GUCY1A2: variants seen among roughly 807,000 people sequenced by gnomAD.
GUCY1A2 encodes guanylate cyclase 1 soluble subunit alpha 2, also known as guanylate cyclase soluble subunit alpha-2.
Under a neutral mutation model 63.5 loss-of-function variants are expected in GUCY1A2, and 27 were observed. The observed-to-expected ratio is 0.43, with a 90% CI of 0.31 to 0.59. The LOEUF (loss-of-function observed/expected upper bound fraction) is 0.59, where lower values mean the gene tolerates loss of function less well. Among genes scored for constraint, GUCY1A2 ranks in the 20% least tolerant of loss-of-function variants. GUCY1A2 has a pLI of 0.11. For synonymous variants in GUCY1A2, 364 were observed against 343.5 expected, an observed-to-expected ratio of 1.06 and a Z score of -0.66; for missense variants, 768 against 913.3, an observed-to-expected ratio of 0.84 and a Z score of 2.05.
Position 106,681,874 on chromosome 11 carries a change from A to G in GUCY1A2, c.*5675T>C, listed in dbSNP as rs1007026564. ...TTCAGATAATGTACAATTCAATATGAAAAGTACATAGTGAGACTAAGTATT... is the reference window on the plus strand; with the variant it reads ...TTCAGATAATGTACAATTCAATATGGAAAGTACATAGTGAGACTAAGTATT... On this transcript the variant is annotated 3_prime_UTR_variant, in exon 8 of 8. Transcript: ENST00000526355. 1 of 214,664 alleles carries G rather than the reference A, an allele frequency of 4.7e-6. No homozygotes were observed. The highest frequency in any genetic ancestry group is 9.4e-6 in the Non-Finnish European group (1 of 106,466). The allele number at this position is 214,664 out of a possible 1,614,324, so 13.3% of individuals were successfully genotyped here.
chr11:106,906,481 C>T (rs1439544692), intron 4 of GUCY1A2, among the ~76,000 whole-genome samples: 1 of 152,138 alleles, frequency 6.6e-6, no homozygotes, highest in African/African-American at 2.4e-5. Flanking sequence ...AACACTTTTA[C>T]ACTGTTGGTG....
Position 106,681,143 on chromosome 11 carries a change from A to G in GUCY1A2, c.*6406T>C, listed in dbSNP as rs1020058839. 4.7e-6 allele frequency: 1 copy of G among 213,856 alleles called. No individual in the cohort carries two copies. Among genetic ancestry groups the G allele is most frequent in the Non-Finnish European group, 9.5e-6 (1 of 105,620 alleles). 13.2% of individuals were successfully genotyped at this position (213,856 alleles called of 1,614,324 possible). A position where few individuals can be genotyped will look rare whatever the true frequency, so the allele number is the denominator to read the frequency against. ...AGTGTTTTTTCAGTATTACTGAATA[A>G]TCATTTTCAGACTTTTATTTATTGT... On this transcript the variant is annotated 3_prime_UTR_variant, in exon 8 of 8. Transcript: ENST00000526355.
intron 4 of GUCY1A2, among the ~76,000 whole-genome samples, chr11:106,846,645 T>C (rs975521716): frequency 7.3e-5 from 11 of 151,676 alleles, no homozygotes; most frequent in Admixed American, 7.3e-4. Context: ...CTCTGACCTC[T>C]TCGACACTAC....
intron 4 of GUCY1A2, among the ~76,000 whole-genome samples, chr11:106,813,391 GTACATGTGCAGGTTTGT>G (rs1198194641): frequency 2.0e-5 from 3 of 151,748 alleles, no homozygotes; most frequent in Non-Finnish European, 4.4e-5. Flanking sequence ...GGGTTGGGGG[GTACATGTGCAGGTTTGT>G]TATATAGGTA....
intron 4 of GUCY1A2, among the ~76,000 whole-genome samples, chr11:106,881,392 GTTT>G (rs932721043): frequency 5.1e-4 from 77 of 152,016 alleles, no homozygotes; most frequent in African/African-American, 1.9e-3. Context: ...TACTATTTTT[GTTT>G]TTTATTTTTT....
intron 4 of GUCY1A2, among the ~76,000 whole-genome samples, chr11:106,874,349 T>C (rs1461751037): frequency 6.6e-6 from 1 of 152,046 alleles, no homozygotes; most frequent in African/African-American, 2.4e-5. Flanking sequence ...CACATATAAG[T>C]ATTGAGGAAC....
At chr11:106,861,345 C>T (rs1286110263) in intron 4 of GUCY1A2, among the ~76,000 whole-genome samples, 1 of 152,000 alleles carries the variant, frequency 6.6e-6, no homozygotes, top group East Asian at 1.9e-4. Flanking sequence ...GTTTTGTGTG[C>T]TGTCTACATG....
Position 107,017,894 on chromosome 11 carries a change from G to A in GUCY1A2, c.162C>T (p.Ala54=). The change falls in exon 1 of 8, where the codon GCC becomes GCT. Residue 54 remains alanine (A), a synonymous_variant. Transcript: ENST00000526355. ...GGGTCGGGGCCGGGGCGGCGGCAGCGGCAGCTGCGGCCGGGCTGGGCTCCA... is the reference window on the plus strand; with the variant it reads ...GGGTCGGGGCCGGGGCGGCGGCAGCAGCAGCTGCGGCCGGGCTGGGCTCCA... The part of the protein sequence containing the change: ...GPLEPSPAAA[A]AAAAPAPTPA... The A allele has an allele frequency of 1.6e-6, 2 of 1,247,276 alleles. No homozygotes were observed. The highest frequency in any genetic ancestry group is 2.0e-6 in the Non-Finnish European group (2 of 992,718). 77.3% of individuals were successfully genotyped at this position (1,247,276 alleles called of 1,614,324 possible).
chr11:106,741,903 T>C (rs1863701073), intron 6 of GUCY1A2, among the ~76,000 whole-genome samples: 1 of 152,228 alleles, frequency 6.6e-6, no homozygotes, highest in South Asian at 2.1e-4. Flanking sequence ...TTGACTTGCA[T>C]TCACTTCCAC....
intron 5 of GUCY1A2, among the ~76,000 whole-genome samples, chr11:106,798,667 A>T (rs1864812388): frequency 2.6e-5 from 4 of 152,214 alleles, no homozygotes; most frequent in Admixed American, 2.6e-4. Flanking sequence ...CAAAAACCAC[A>T]TGATTATCTC....
At chr11:106,751,047 C>T (rs1343040990) in intron 6 of GUCY1A2, among the ~76,000 whole-genome samples, 2 of 152,060 alleles carry the variant, frequency 1.3e-5, no homozygotes, top group Admixed American at 6.6e-5. Flanking sequence ...CATATTAATT[C>T]ACACATCTCC....
chr11:106,982,362 C>A (rs1426314351), intron 2 of GUCY1A2, among the ~76,000 whole-genome samples: 1 of 152,158 alleles, frequency 6.6e-6, no homozygotes. Context: ...CCTCACTAAT[C>A]TTTCCACCCC....
intron 1 of GUCY1A2, among the ~76,000 whole-genome samples, chr11:106,995,728 A>C (rs1319133329): frequency 6.6e-6 from 1 of 152,240 alleles, no homozygotes; most frequent in Non-Finnish European, 1.5e-5. Context: ...TGCTAAATTG[A>C]ACTAAACTGA....
rs1859314811 is a variant in GUCY1A2, at chr11:106,848,942, T to C, written c.1207-38464A>G. 2.0e-5 allele frequency among the ~76,000 whole-genome samples: 3 copies of C among 151,682 alleles called. No homozygotes were observed. In the South Asian group the frequency reaches 6.2e-4, roughly 31 times the overall value. On this transcript the variant is annotated intron_variant, in intron 4 of 7. Transcript: ENST00000526355. ...GAAAAGTTACGTTTTGAATTTTACT[T>C]AGAATTCCAGTAAGTCAAAGTCTTC...
intron 4 of GUCY1A2, among the ~76,000 whole-genome samples, chr11:106,830,118 A>G (rs1859030230): frequency 6.6e-6 from 1 of 152,206 alleles, no homozygotes; most frequent in Non-Finnish European, 1.5e-5. Flanking sequence ...TACTAAGAAA[A>G]TATCTTCATT....
chr11:106,860,228 C>T (rs1324471556), intron 4 of GUCY1A2, among the ~76,000 whole-genome samples: 1 of 151,244 alleles, frequency 6.6e-6, no homozygotes, highest in Non-Finnish European at 1.5e-5. Context: ...TTCCAGAGTA[C>T]CCAGACATAA....
At chr11:106,968,785 C>T (rs1162664702) in intron 3 of GUCY1A2, among the ~76,000 whole-genome samples, 1 of 1,606 alleles carries the variant, frequency 6.2e-4, no homozygotes, top group Non-Finnish European at 1.1e-3. Context: ...CTATCTACAA[C>T]TTCTTTCTTC....
intron 4 of GUCY1A2, among the ~76,000 whole-genome samples, chr11:106,932,104 T>C (rs958149606): frequency 6.6e-6 from 1 of 152,152 alleles, no homozygotes; most frequent in African/African-American, 2.4e-5. Flanking sequence ...AGGAAGATTC[T>C]GTATGATTTT....
chr11:106,901,017 T>A (rs1430620177), intron 4 of GUCY1A2, among the ~76,000 whole-genome samples: 1 of 152,328 alleles, frequency 6.6e-6, no homozygotes, highest in Non-Finnish European at 1.5e-5. Context: ...TTATGAAAGA[T>A]TTCTCTCTAA....
Sources: gnomAD v4.1 joint callset for allele counts (sites outside exome capture counted in the v4.1 genomes callset) on GRCh38, gnomAD v4.1.1 for gene constraint, MANE v1.5 for transcripts, NCBI Gene and HGNC (gene_info 2026-07-23, HGNC 2026-07-21) for gene names.